MICU1: variants seen among roughly 807,000 people sequenced by gnomAD.
The protein encoded by MICU1 is mitochondrial calcium uptake 1.
MICU1 carries 45 observed loss-of-function variants against 56.8 expected under a neutral mutation model. The observed-to-expected ratio is 0.79, with a 90% CI of 0.62 to 1.02. The LOEUF is 1.02. MICU1 is among the 50% of genes least tolerant of loss of function. MICU1 has a pLI of 0.00. For synonymous variants in MICU1, 186 were observed against 195.1 expected, an observed-to-expected ratio of 0.95 and a Z score of 0.39; for missense variants, 504 against 587.1, an observed-to-expected ratio of 0.86 and a Z score of 1.46.
At chr10:72,438,048 C>T (rs148229095) in intron 8 of MICU1, among the ~76,000 whole-genome samples, 1 of 152,148 alleles carries the variant, frequency 6.6e-6, no homozygotes, top group African/African-American at 2.4e-5. Flanking sequence ...ACAAGTGGAC[C>T]TAATAGACAT....
chr10:72,603,885 T>A (rs897346854), intron 1 of MICU1, among the ~76,000 whole-genome samples: 1 of 152,164 alleles, frequency 6.6e-6, no homozygotes, highest in African/African-American at 2.4e-5. Context: ...GCAGGACAAC[T>A]CAAAGCAGGG....
chr10:72,554,608 G>C (rs1010910164), intron 3 of MICU1, among the ~76,000 whole-genome samples: 58 of 152,082 alleles, frequency 3.8e-4, no homozygotes, highest in African/African-American at 1.3e-3. Flanking sequence ...ATATGTCTAG[G>C]AATAAACATT....
chr10:72,607,637 C>CAAA (rs368820136), intron 1 of MICU1, among the ~76,000 whole-genome samples: 1 of 59,904 alleles, frequency 1.7e-5, no homozygotes, highest in Non-Finnish European at 3.9e-5. Flanking sequence ...AACTCCATCT[C>CAAA]AAAAAAAAAA....
intron 8 of MICU1, among the ~76,000 whole-genome samples, chr10:72,458,196 T>C (rs148976701): frequency 0.011 from 1,639 of 151,546 alleles, 25 homozygotes; most frequent in South Asian, 0.03. Flanking sequence ...AAGAAAAGCA[T>C]TTCTATATTG....
At chr10:72,555,573 A>G (rs1840138945) in intron 3 of MICU1, among the ~76,000 whole-genome samples, 1 of 152,228 alleles carries the variant, frequency 6.6e-6, no homozygotes, top group Non-Finnish European at 1.5e-5. Context: ...TCACTCACTC[A>G]AACAATGCTT....
rs189693919 is a variant in MICU1, at chr10:72,557,199, A to G, written c.330+5696T>C. ...AATACACTATCTCCAATAAAATGAAATTGTCTTTCTCACTAAGATACAACC... is the reference window on the plus strand; with the variant it reads ...AATACACTATCTCCAATAAAATGAAGTTGTCTTTCTCACTAAGATACAACC... On this transcript the variant is annotated intron_variant, in intron 3 of 11. Coordinates refer to ENST00000361114, the MANE Select transcript of MICU1 (RefSeq NM_001195518.2). 3.2e-3 allele frequency among the ~76,000 whole-genome samples: 482 copies of G among 152,324 alleles called. 1 individual carries two copies. Among genetic ancestry groups the G allele is most frequent in the Non-Finnish European group, 5.6e-3 (381 of 68,022 alleles).
intron 1 of MICU1, among the ~76,000 whole-genome samples, chr10:72,567,163 A>G (rs1840461320): frequency 6.6e-6 from 1 of 152,074 alleles, no homozygotes; most frequent in African/African-American, 2.4e-5. Context: ...GGCCTGGACA[A>G]CATAGTAGGA....
chr10:72,574,915 C>G (rs1187359309), intron 1 of MICU1, among the ~76,000 whole-genome samples: 1 of 151,956 alleles, frequency 6.6e-6, no homozygotes, highest in Non-Finnish European at 1.5e-5. Context: ...GAGCACTGGA[C>G]AAGTGCGCTC....
chr10:72,496,223 G>A (rs887500362), intron 6 of MICU1, among the ~76,000 whole-genome samples: 5 of 151,782 alleles, frequency 3.3e-5, no homozygotes, highest in African/African-American at 4.8e-5. Context: ...CACCTCCCAG[G>A]TTCAAGCAAT....
chr10:72,466,981 A>ATTTT (rs573099746), intron 8 of MICU1, among the ~76,000 whole-genome samples: 4 of 146,194 alleles, frequency 2.7e-5, no homozygotes, highest in African/African-American at 1.0e-4. Flanking sequence ...TAATACCTTC[A>ATTTT]TTTTTTTTTT....
At chr10:72,456,374 G>A (rs1173100309) in intron 8 of MICU1, among the ~76,000 whole-genome samples, 2 of 152,160 alleles carry the variant, frequency 1.3e-5, no homozygotes, top group Admixed American at 6.5e-5. Flanking sequence ...AAAGGATAAG[G>A]CAGAAGTGAT....
intron 1 of MICU1, among the ~76,000 whole-genome samples, chr10:72,614,299 A>G (rs1180875941): frequency 6.6e-6 from 1 of 152,236 alleles, no homozygotes; most frequent in East Asian, 1.9e-4. Flanking sequence ...TGCAGGCACT[A>G]CAGAAAAAGT....
At chr10:72,447,432 T>C (rs1057201319) in intron 8 of MICU1, among the ~76,000 whole-genome samples, 5 of 152,312 alleles carry the variant, frequency 3.3e-5, no homozygotes, top group Admixed American at 1.3e-4. Context: ...CATGACAAAA[T>C]TGTATATTAC....
chr10:72,387,042 T>G (rs1441834004), intron 10 of MICU1, among the ~76,000 whole-genome samples: 2 of 152,234 alleles, frequency 1.3e-5, no homozygotes, highest in African/African-American at 2.4e-5. Context: ...ACCTGACAAT[T>G]ATAAGTCAGT....
intron 8 of MICU1, among the ~76,000 whole-genome samples, chr10:72,441,682 T>C (rs970052788): frequency 1.6e-4 from 23 of 141,758 alleles, no homozygotes; most frequent in Admixed American, 3.0e-4. Context: ...AGTGGTACGA[T>C]CTAGGCTCAC....
At chr10:72,490,414 A>ATG (rs1589272118) in intron 6 of MICU1, among the ~76,000 whole-genome samples, 1 of 152,188 alleles carries the variant, frequency 6.6e-6, no homozygotes, top group African/African-American at 2.4e-5. Flanking sequence ...ATAAATACAG[A>ATG]TGTATCTTTG....
rs7911058 is a variant in MICU1, at chr10:72,557,951, A to G, written c.330+4944T>C. The stretch of plus-strand genomic sequence containing the variant: ...CTTTTAATATTCGTGTTTTCCTATC[A>G]ATCAGTTTAAAATTACAACAAATTG... On this transcript the variant is annotated intron_variant, in intron 3 of 11. Transcript: ENST00000361114. Among the ~76,000 whole-genome samples, 1,248 of 152,304 alleles carry G rather than the reference A, an allele frequency of 8.2e-3. 15 individuals are homozygous for G. Among genetic ancestry groups the G allele is most frequent in the African/African-American group, 0.028 (1,176 of 41,556 alleles).
intron 6 of MICU1, among the ~76,000 whole-genome samples, chr10:72,497,025 T>C (rs1257497077): frequency 1.3e-5 from 2 of 152,174 alleles, no homozygotes; most frequent in Non-Finnish European, 2.9e-5. Context: ...ATTCCCTTTG[T>C]GTACCCTTTA....
At chr10:72,596,340 A>G (rs544372962) in intron 1 of MICU1, among the ~76,000 whole-genome samples, 1 of 152,068 alleles carries the variant, frequency 6.6e-6, no homozygotes, top group African/African-American at 2.4e-5. Flanking sequence ...CAGGAGACTG[A>G]GACAGGAGGA....
Sources: allele counts gnomAD v4.1 joint callset (sites outside exome capture counted in the v4.1 genomes callset), GRCh38; gene constraint gnomAD v4.1.1; transcripts MANE v1.5; gene names NCBI Gene and HGNC (gene_info 2026-07-23, HGNC 2026-07-21).